The following CCDC102B variants were observed in gnomAD, a reference collection of about 807,000 sequenced individuals.
CCDC102B encodes the protein coiled-coil domain-containing protein 102B.
In CCDC102B, 75 loss-of-function variants were observed where a neutral mutation model predicts 57.4. The ratio of observed to expected loss-of-function variants is 1.31; its 90% CI spans 1.08 to 1.58. The LOEUF is 1.58. Among genes scored for constraint, CCDC102B ranks in the 40% most tolerant of loss-of-function variants. The pLI, the probability that CCDC102B is intolerant of heterozygous loss-of-function variation, is 0.00. For missense variants in CCDC102B, 636 were observed against 582.6 expected (o/e 1.09, Z -0.94); for synonymous variants, 206 against 201.9 (o/e 1.02, Z -0.17).
At chr18:68,982,928 A>G (rs1244580783) in intron 6 of CCDC102B, among the ~76,000 whole-genome samples, 1 of 151,942 alleles carries the variant, frequency 6.6e-6, no homozygotes, top group Non-Finnish European at 1.5e-5. Flanking sequence ...AAAATTGTAC[A>G]TCACTATTCT....
chr18:68,967,450 T>C (rs2050193105), intron 6 of CCDC102B, among the ~76,000 whole-genome samples: 1 of 144,646 alleles, frequency 6.9e-6, no homozygotes, highest in Non-Finnish European at 1.5e-5. Context: ...TTTAATAAAT[T>C]GGTAAAAAAT....
chr18:68,881,649 G>C (rs948783331), intron 5 of CCDC102B, among the ~76,000 whole-genome samples: 2 of 152,114 alleles, frequency 1.3e-5, no homozygotes, highest in African/African-American at 4.8e-5. Flanking sequence ...AACTGCTTGA[G>C]CTGGAACCTT....
chr18:68,994,320 T>C (rs777973876), intron 6 of CCDC102B, among the ~76,000 whole-genome samples: 3 of 152,176 alleles, frequency 2.0e-5, no homozygotes, highest in Non-Finnish European at 2.9e-5. Flanking sequence ...TAAATATTCA[T>C]TGCATGTTGG....
chr18:68,815,918 A>G (rs547664527), intron 1 of CCDC102B, among the ~76,000 whole-genome samples: 24 of 152,308 alleles, frequency 1.6e-4, no homozygotes, highest in African/African-American at 5.1e-4. Context: ...TTATTTCAAT[A>G]TATCAATTCA....
chr18:68,973,059 A>G (rs377765514), intron 6 of CCDC102B, among the ~76,000 whole-genome samples: 1 of 152,158 alleles, frequency 6.6e-6, no homozygotes, highest in South Asian at 2.1e-4. Flanking sequence ...TAATGGTAAT[A>G]CACTCATATC....
intron 1 of CCDC102B, chr18:68,715,603 T>C (rs1023083607): frequency 1.3e-5 from 2 of 152,240 alleles, no homozygotes; most frequent in African/African-American, 4.8e-5. Context: ...TTAATGCATT[T>C]TTGCCAAAGT....
intron 2 of CCDC102B, among the ~76,000 whole-genome samples, chr18:68,726,053 G>T (rs1275063008): frequency 6.6e-6 from 1 of 152,142 alleles, no homozygotes; most frequent in African/African-American, 2.4e-5. Flanking sequence ...AATTAATTTA[G>T]GGGAATGGGG....
chr18:68,932,115 A>G (rs1180745605), intron 6 of CCDC102B, among the ~76,000 whole-genome samples: 11 of 151,820 alleles, frequency 7.2e-5, no homozygotes, highest in Non-Finnish European at 1.6e-4. Context: ...ACATCTTGTC[A>G]GATTTTTGAC....
At chr18:68,839,993 G>A (rs191771504) in intron 3 of CCDC102B, among the ~76,000 whole-genome samples, 28 of 152,190 alleles carry the variant, frequency 1.8e-4, no homozygotes, top group African/African-American at 6.5e-4. Flanking sequence ...AATACAGTCT[G>A]TCATAGCCTT....
intron 2 of CCDC102B, among the ~76,000 whole-genome samples, chr18:68,725,581 G>A: frequency 6.6e-6 from 1 of 152,148 alleles, no homozygotes; most frequent in South Asian, 2.1e-4. Flanking sequence ...CCTGACTCAT[G>A]GCCCACTTCA....
intron 6 of CCDC102B, among the ~76,000 whole-genome samples, chr18:68,968,917 A>G (rs758464543): frequency 3.3e-5 from 5 of 152,166 alleles, no homozygotes; most frequent in South Asian, 4.1e-4. Flanking sequence ...GAGTGTATAC[A>G]TATGTCAAAA....
At chr18:68,817,601 A>T (rs1031127788) in intron 1 of CCDC102B, among the ~76,000 whole-genome samples, 1 of 152,242 alleles carries the variant, frequency 6.6e-6, no homozygotes, top group Non-Finnish European at 1.5e-5. Flanking sequence ...AAGCAGGCCC[A>T]GACAATCTTG....
intron 6 of CCDC102B, among the ~76,000 whole-genome samples, chr18:68,969,307 T>C (rs1394168613): frequency 6.6e-6 from 1 of 152,190 alleles, no homozygotes; most frequent in African/African-American, 2.4e-5. Flanking sequence ...TAGGCTTTCA[T>C]GCTTCCCCTT....
intron 6 of CCDC102B, among the ~76,000 whole-genome samples, chr18:68,909,571 T>A (rs2040766173): frequency 6.6e-6 from 1 of 152,224 alleles, no homozygotes; most frequent in Non-Finnish European, 1.5e-5. Flanking sequence ...TCATCATCAA[T>A]TACTTTTTTA....
chr18:69,007,931 G>T (rs939736632), intron 6 of CCDC102B, among the ~76,000 whole-genome samples: 1 of 152,074 alleles, frequency 6.6e-6, no homozygotes, highest in Non-Finnish European at 1.5e-5. Context: ...AAGGCTTATT[G>T]CTTACTCCTT....
At chr18:68,858,871 C>T (rs545043267) in intron 4 of CCDC102B, 1 of 152,156 alleles carries the variant, frequency 6.6e-6, no homozygotes, top group East Asian at 1.9e-4. Context: ...AATATTTATT[C>T]CTTAAAGGGG....
intron 4 of CCDC102B, among the ~76,000 whole-genome samples, chr18:68,847,765 C>T (rs1472262010): frequency 6.6e-6 from 1 of 151,582 alleles, no homozygotes; most frequent in Non-Finnish European, 1.5e-5. Flanking sequence ...CAGGAGAAAC[C>T]TCAAAATTGT....
Position 68,965,654 on chromosome 18 carries a change from TA to T in CCDC102B, c.1264-45272del, listed in dbSNP as rs1033879876. Among the ~76,000 whole-genome samples the T allele has an allele frequency of 2.0e-5, 3 of 151,538 alleles. No individual in the cohort carries two copies. The East Asian group carries it at 5.8e-4, about 29-fold the overall frequency. ...AAAAACCAGTCACTATTTATAAAAT[TA>T]AAAAAAATCCTTGTCAGATTGTTTT... On this transcript the variant is annotated intron_variant, in intron 6 of 7. Coordinates refer to ENST00000360242, the MANE Select transcript of CCDC102B (RefSeq NM_024781.3).
At chr18:68,753,204 T>C (rs1349493611) in intron 2 of CCDC102B, 1 of 152,214 alleles carries the variant, frequency 6.6e-6, no homozygotes, top group Non-Finnish European at 1.5e-5. Flanking sequence ...TTTCAATTTT[T>C]ATTTCTTAAG....
Sources: allele counts gnomAD v4.1 joint callset (sites outside exome capture counted in the v4.1 genomes callset), GRCh38; gene constraint gnomAD v4.1.1; transcripts MANE v1.5; gene names NCBI Gene and HGNC (gene_info 2026-07-23, HGNC 2026-07-21).